The following TMEM184B variants were observed in gnomAD, a reference collection of about 807,000 sequenced individuals.
TMEM184B encodes transmembrane protein 184B.
TMEM184B carries 17 observed loss-of-function variants against 41.8 expected under a neutral mutation model. That is an observed-to-expected ratio of 0.41 (90% CI 0.28 to 0.61). The LOEUF is 0.61. Ranked by LOEUF, TMEM184B falls within the 20% of genes least tolerant of loss-of-function variation. The probability of loss-of-function intolerance (pLI) is 0.34; values close to 1 mark genes in which losing one functional copy is unlikely to be tolerated. For synonymous variants in TMEM184B, 240 were observed against 229.5 expected, an observed-to-expected ratio of 1.05 and a Z score of -0.41; for missense variants, 393 against 557.8, an observed-to-expected ratio of 0.70 and a Z score of 2.98.
At chr22:38,246,250 G>A in intron 2 of TMEM184B, 150 bp from the exon 3 acceptor site, 1 of 995,578 alleles carries the variant, frequency 1.0e-6, no homozygotes. Flanking sequence ...CAAAATGCGG[G>A]ATGACAGGAC....
intron 5 of TMEM184B, among the ~76,000 whole-genome samples, chr22:38,228,816 G>A (rs555909847): frequency 1.3e-5 from 2 of 152,306 alleles, no homozygotes; most frequent in South Asian, 4.1e-4. Context: ...TGAGCCCACA[G>A]GGCTGGGGAA....
chr22:38,224,705 G>A (rs1188664612), intron 8 of TMEM184B, 80 bp downstream of exon 8: 41 of 1,405,012 alleles, frequency 2.9e-5, no homozygotes, highest in Non-Finnish European at 3.7e-5. Flanking sequence ...CCTGTAGGAT[G>A]CTGGGAGGTG....
chr22:38,262,273 C>A (rs1287460656), intron 1 of TMEM184B, among the ~76,000 whole-genome samples: 1 of 152,134 alleles, frequency 6.6e-6, no homozygotes, highest in Non-Finnish European at 1.5e-5. Flanking sequence ...AGGAGGGGGC[C>A]CCAGGGAGCT....
At position 38,225,524 on chromosome 22, in the gene TMEM184B, G is replaced by T. The variant is rs926040971; in HGVS notation, c.687C>A (p.Leu229=). The T allele has an allele frequency of 1.2e-6, 2 of 1,604,518 alleles. No individual in the cohort carries two copies. The highest frequency in any genetic ancestry group is 1.7e-5 in the Admixed American group (1 of 57,506). The part of the protein sequence containing the change: ...NISVSLALYA[L]FLFYFATREL... ...CCCGGGTGGCGAAGTAGAAGAGGAA[G>T]AGGGCGTAGAGGGCCAGGCTGACGG... The change falls in exon 7 of 9, where the codon CTC becomes CTA. Residue 229 remains leucine, a synonymous_variant. Transcript: ENST00000361906. The surrounding 1 kb of genome is among the most constrained non-coding windows in gnomAD (Gnocchi z 4.4).
intron 3 of TMEM184B, among the ~76,000 whole-genome samples, chr22:38,240,389 AAAAC>A (rs561719614): frequency 1.5e-4 from 23 of 152,282 alleles, no homozygotes; most frequent in African/African-American, 4.8e-4. Flanking sequence ...TAAGATTAAA[AAAAC>A]AAACAATCAA....
intron 1 of TMEM184B, 106 bp from the exon 2 acceptor site, chr22:38,248,125 C>T: frequency 7.2e-7 from 1 of 1,385,146 alleles, no homozygotes; most frequent in Non-Finnish European, 9.5e-7. Context: ...TCTGTATTGA[C>T]CCCAACCATC....
At chr22:38,237,362 T>C (rs1408481595) in intron 3 of TMEM184B, among the ~76,000 whole-genome samples, 1 of 152,216 alleles carries the variant, frequency 6.6e-6, no homozygotes, top group Admixed American at 6.5e-5. Flanking sequence ...TCATATAACT[T>C]GCTATAACTT....
downstream of TMEM184B, among the ~76,000 whole-genome samples, chr22:38,219,015 G>A (rs567940954): frequency 6.6e-6 from 1 of 152,332 alleles, no homozygotes; most frequent in South Asian, 2.1e-4. Context: ...CAGCATGTGG[G>A]CCCCATGGAC....
At chr22:38,270,921 C>T (rs537112478) in intron 1 of TMEM184B, among the ~76,000 whole-genome samples, 1 of 152,150 alleles carries the variant, frequency 6.6e-6, no homozygotes. Flanking sequence ...AAACAGCCTC[C>T]GGACAGAAGC....
At chr22:38,269,898 G>A (rs141894255) in intron 1 of TMEM184B, among the ~76,000 whole-genome samples, 6 of 152,256 alleles carry the variant, frequency 3.9e-5, no homozygotes, top group Non-Finnish European at 7.4e-5. Flanking sequence ...GAAAGCCAAC[G>A]GAACAAAGGC....
intron 1 of TMEM184B, among the ~76,000 whole-genome samples, chr22:38,255,346 G>A (rs1317129782): frequency 1.3e-5 from 2 of 151,220 alleles, no homozygotes; most frequent in Admixed American, 1.3e-4. Context: ...AATTTTTTTT[G>A]TATTTTTAGT....
At chr22:38,244,916 G>A (rs1293536765) in intron 3 of TMEM184B, among the ~76,000 whole-genome samples, 1 of 152,208 alleles carries the variant, frequency 6.6e-6, no homozygotes, top group Non-Finnish European at 1.5e-5. Flanking sequence ...TCTCCTTGTG[G>A]TGACTGTTTA....
At chr22:38,218,084 T>C (rs1275469815), downstream of TMEM184B, among the ~76,000 whole-genome samples, 1 of 152,158 alleles carries the variant, frequency 6.6e-6, no homozygotes, top group Non-Finnish European at 1.5e-5. Flanking sequence ...ACTTTCACAT[T>C]GAGATCTGAT....
chr22:38,267,554 TC>T (rs1447278035), intron 1 of TMEM184B, among the ~76,000 whole-genome samples: 2 of 151,470 alleles, frequency 1.3e-5, no homozygotes, highest in African/African-American at 2.4e-5. Context: ...TGCCTCAGCC[TC>T]CCAAGTAGCT....
In TMEM184B at chr22:38,224,920, C is replaced by T. The variant is rs200450525; in HGVS notation, c.847G>A (p.Val283Met). The T allele has an allele frequency of 8.1e-6, 13 of 1,610,468 alleles. No homozygotes were observed. The highest frequency in any genetic ancestry group is 2.2e-5 in the East Asian group (1 of 44,812). Residue 283 changes from valine (V) to methionine (M), a missense_variant, in exon 8 of 9, where the codon GTG becomes ATG. Transcript: ENST00000361906. ...GAIPKIHSAR[V>M]SVGEGTVAAG... ...GCCACGGTGCCCTCGCCCACCGACA[C>T]GCGGGCCGAGTGGATTTTGGGGATG...
intron 4 of TMEM184B, 102 bp from the exon 5 acceptor site, chr22:38,230,846 G>T: frequency 8.9e-7 from 1 of 1,126,660 alleles, no homozygotes. Context: ...CAGACGAGCT[G>T]GGGCACACAT....
intron 1 of TMEM184B, among the ~76,000 whole-genome samples, chr22:38,263,892 C>T (rs967473503): frequency 1.3e-5 from 2 of 152,194 alleles, no homozygotes; most frequent in Non-Finnish European, 2.9e-5. Context: ...GCAATCTTTG[C>T]CTCCCAAGTT....
intron 5 of TMEM184B, 141 bp downstream of exon 5, chr22:38,230,528 G>C (rs1242578052): frequency 7.7e-6 from 6 of 776,636 alleles, no homozygotes; most frequent in Non-Finnish European, 1.3e-5. Context: ...CTGCCTAACA[G>C]CTTCGGGGGG....
chr22:38,270,955 T>C (rs1004736053), intron 1 of TMEM184B, among the ~76,000 whole-genome samples: 2 of 152,102 alleles, frequency 1.3e-5, no homozygotes, highest in African/African-American at 4.8e-5. Context: ...ACTCGGCCAA[T>C]AGGAAAGAAC....
Sources: allele counts gnomAD v4.1 joint callset (sites outside exome capture counted in the v4.1 genomes callset), GRCh38; gene constraint gnomAD v4.1.1; non-coding constraint Gnocchi (gnomAD v3.1); transcripts MANE v1.5; gene names NCBI Gene and HGNC (gene_info 2026-07-23, HGNC 2026-07-21).